Variants in GALNT13 observed in about 807,000 individuals in gnomAD.
GALNT13 encodes the protein polypeptide N-acetylgalactosaminyltransferase 13.
GALNT13 carries 28 observed loss-of-function variants against 64.2 expected under a neutral mutation model. The ratio of observed to expected loss-of-function variants is 0.44; its 90% CI spans 0.32 to 0.60. The LOEUF is 0.60. Ranked by LOEUF, GALNT13 falls within the 20% of genes least tolerant of loss-of-function variation. The pLI is 0.05. For synonymous variants in GALNT13, 214 were observed against 224.6 expected (o/e 0.95, Z 0.42); for missense variants, 577 against 669.8 (o/e 0.86, Z 1.53).
At chr2:153,722,486 A>G in the GALNT13 span, among the ~76,000 whole-genome samples, 1 of 148,430 alleles carries the variant, frequency 6.7e-6, no homozygotes, top group East Asian at 2.0e-4. Context: ...ATAGAGACAC[A>G]AAAAACCCTT....
At chr2:153,702,237 A>G in the GALNT13 span, among the ~76,000 whole-genome samples, 1 of 152,166 alleles carries the variant, frequency 6.6e-6, no homozygotes, top group African/African-American at 2.4e-5. Context: ...CAGCAAACCA[A>G]CATAGGAACA....
the GALNT13 span, among the ~76,000 whole-genome samples, chr2:153,270,522 A>C: frequency 6.6e-6 from 1 of 152,172 alleles, no homozygotes; most frequent in Admixed American, 6.5e-5. Flanking sequence ...TCTCTTAGTC[A>C]AAGCTTCTTT....
chr2:153,258,796 GT>G, the GALNT13 span, among the ~76,000 whole-genome samples: 1 of 151,954 alleles, frequency 6.6e-6, no homozygotes, highest in South Asian at 2.1e-4. Context: ...TCAATTACCG[GT>G]TTTATTCCTT....
the GALNT13 span, among the ~76,000 whole-genome samples, chr2:153,736,587 A>G: frequency 1.3e-5 from 2 of 152,130 alleles, no homozygotes; most frequent in African/African-American, 2.4e-5. Flanking sequence ...TAGCACCCAA[A>G]CATCCACATT....
intron 3 of GALNT13, among the ~76,000 whole-genome samples, chr2:154,125,681 A>AT (rs1445109202): frequency 3.3e-5 from 5 of 152,282 alleles, no homozygotes; most frequent in African/African-American, 1.2e-4. Flanking sequence ...AAGGAAAAAG[A>AT]TTTTTTGTCA....
chr2:154,135,353 C>G (rs1682888732), intron 3 of GALNT13, among the ~76,000 whole-genome samples: 1 of 152,096 alleles, frequency 6.6e-6, no homozygotes, highest in Non-Finnish European at 1.5e-5. Context: ...TATTGATTAT[C>G]TAATAGATGA....
At chr2:153,575,531 G>C in the GALNT13 span, among the ~76,000 whole-genome samples, 1 of 152,190 alleles carries the variant, frequency 6.6e-6, no homozygotes, top group Admixed American at 6.5e-5. Context: ...AAAAAACTTA[G>C]AAGTCTACCT....
At chr2:154,028,542 A>T (rs1179797922) in intron 3 of GALNT13, among the ~76,000 whole-genome samples, 1 of 152,070 alleles carries the variant, frequency 6.6e-6, no homozygotes, top group Non-Finnish European at 1.5e-5. Context: ...TCTCAAAAAT[A>T]CTCAGTGAAT....
At chr2:154,020,215 A>G (rs1233051071) in intron 3 of GALNT13, among the ~76,000 whole-genome samples, 2 of 152,182 alleles carry the variant, frequency 1.3e-5, no homozygotes, top group Non-Finnish European at 2.9e-5. Flanking sequence ...GTATATACCC[A>G]GTAATGGGAT....
chr2:154,155,178 T>C (rs542015319), intron 4 of GALNT13, among the ~76,000 whole-genome samples: 2 of 152,188 alleles, frequency 1.3e-5, no homozygotes, highest in East Asian at 3.9e-4. Flanking sequence ...AGAAATTCAA[T>C]TAATATTCTC....
chr2:153,618,107 T>C, the GALNT13 span, among the ~76,000 whole-genome samples: 3,286 of 151,964 alleles, frequency 0.022, 122 homozygotes, highest in African/African-American at 0.076. Flanking sequence ...CTTTAAGATA[T>C]ATTGTTGATT....
At chr2:154,089,196 G>A (rs904637421) in intron 3 of GALNT13, among the ~76,000 whole-genome samples, 1 of 151,912 alleles carries the variant, frequency 6.6e-6, no homozygotes, top group Admixed American at 6.6e-5. Flanking sequence ...TGTTCTTATG[G>A]ACTGCCTACT....
chr2:154,043,709 G>C (rs1384261335), intron 3 of GALNT13, among the ~76,000 whole-genome samples: 1 of 151,990 alleles, frequency 6.6e-6, no homozygotes, highest in Non-Finnish European at 1.5e-5. Context: ...ACAAGGTCTA[G>C]TACTATTTTC....
chr2:153,714,480 T>G, the GALNT13 span, among the ~76,000 whole-genome samples: 4 of 152,222 alleles, frequency 2.6e-5, no homozygotes, highest in African/African-American at 7.2e-5. Flanking sequence ...TCTTCCAATA[T>G]GTACCTTTAG....
intron 4 of GALNT13, among the ~76,000 whole-genome samples, chr2:154,155,326 C>T (rs1340697069): frequency 6.6e-6 from 1 of 151,940 alleles, no homozygotes; most frequent in Non-Finnish European, 1.5e-5. Context: ...TTATTCGTCT[C>T]ATGGAAGAAA....
At chr2:153,542,778 G>C in the GALNT13 span, among the ~76,000 whole-genome samples, 1 of 152,168 alleles carries the variant, frequency 6.6e-6, no homozygotes, top group Non-Finnish European at 1.5e-5. Flanking sequence ...ACAAAAGTTT[G>C]GTCAAGCAAA....
At chr2:153,703,333 T>C in the GALNT13 span, among the ~76,000 whole-genome samples, 3 of 152,192 alleles carry the variant, frequency 2.0e-5, no homozygotes, top group African/African-American at 7.2e-5. Flanking sequence ...TTATTTAATA[T>C]TTCATAAGGG....
chr2:153,556,424 A>G, the GALNT13 span, among the ~76,000 whole-genome samples: 1 of 152,240 alleles, frequency 6.6e-6, no homozygotes, highest in African/African-American at 2.4e-5. Flanking sequence ...CATATCTTTA[A>G]GTAAATTTTA....
chr2:153,736,482 T>C, the GALNT13 span, among the ~76,000 whole-genome samples: 1 of 152,188 alleles, frequency 6.6e-6, no homozygotes, highest in South Asian at 2.1e-4. Flanking sequence ...AACAAAGATC[T>C]GGGCACTAGA....
Sources: allele counts gnomAD v4.1 joint callset (sites outside exome capture counted in the v4.1 genomes callset), GRCh38; gene constraint gnomAD v4.1.1; transcripts MANE v1.5; gene names NCBI Gene and HGNC (gene_info 2026-07-23, HGNC 2026-07-21).